Variants in TCP11L2 observed in about 807,000 individuals in gnomAD.
TCP11L2 encodes t-complex 11 like 2, also known as T-complex protein 11-like protein 2.
TCP11L2 carries 39 observed loss-of-function variants against 50.7 expected under a neutral mutation model. That is an observed-to-expected ratio of 0.77 (90% CI 0.60 to 1.01). TCP11L2 has a LOEUF of 1.01. TCP11L2 is among the 50% of genes least tolerant of loss of function. The probability of loss-of-function intolerance (pLI) is 0.00; values close to 1 mark genes in which losing one functional copy is unlikely to be tolerated. For missense variants in TCP11L2, 612 were observed against 614.7 expected (o/e 1.00, Z 0.05); for synonymous variants, 192 against 219.3 (o/e 0.88, Z 1.10).
chr12:106,306,097 A>G (rs1316685034), intron 1 of TCP11L2, among the ~76,000 whole-genome samples: 2 of 152,240 alleles, frequency 1.3e-5, no homozygotes, highest in Non-Finnish European at 2.9e-5. Context: ...TTGACTGTCT[A>G]GAAGAGTTCT....
chr12:106,313,867 G>A (rs2034960482), intron 2 of TCP11L2, among the ~76,000 whole-genome samples: 1 of 147,626 alleles, frequency 6.8e-6, no homozygotes, highest in Admixed American at 7.0e-5. Context: ...CTGGGTTCAC[G>A]CCATTCTCCT....
chr12:106,318,346 T>C lies in TCP11L2; in HGVS notation c.296T>C (p.Leu99Ser). 6.2e-7 allele frequency: 1 copy of C among 1,612,986 alleles called. No individual in the cohort carries two copies. The highest frequency in any genetic ancestry group is 8.5e-7 in the Non-Finnish European group (1 of 1,179,360). Residue 99 changes from leucine (L) to serine (S), a missense_variant and splice_region_variant, in exon 4 of 10, where the codon TTG (leucine) becomes TCG (serine). Transcript: ENST00000299045. ...LKQEALPEKS[L>S]AGRVKHIVHQ... ...AACAATTCATTTTATTGCCATAGTT[T>C]GGCTGGTCGAGTGAAGCACATTGTT...
intron 1 of TCP11L2, among the ~76,000 whole-genome samples, chr12:106,309,556 C>T (rs965589550): frequency 2.0e-5 from 3 of 151,962 alleles, no homozygotes; most frequent in Admixed American, 6.6e-5. Flanking sequence ...TCAGACTCAT[C>T]CTTGTCCCCA....
intron 1 of TCP11L2, among the ~76,000 whole-genome samples, chr12:106,309,761 G>A (rs1437002018): frequency 2.6e-5 from 4 of 151,554 alleles, no homozygotes. Context: ...CAAGAATAGG[G>A]CATTGTCTTT....
At chr12:106,317,587 A>G (rs189771447) in intron 3 of TCP11L2, among the ~76,000 whole-genome samples, 1 of 152,340 alleles carries the variant, frequency 6.6e-6, no homozygotes, top group Admixed American at 6.5e-5. Flanking sequence ...CAGTCACTAT[A>G]TATCAGGCAC....
intron 9 of TCP11L2, among the ~76,000 whole-genome samples, chr12:106,341,978 T>A (rs1259129074): frequency 6.6e-6 from 1 of 152,102 alleles, no homozygotes; most frequent in Non-Finnish European, 1.5e-5. Context: ...CTGTAACACC[T>A]GATGAGAGTA....
intron 1 of TCP11L2, among the ~76,000 whole-genome samples, chr12:106,304,845 A>AT (rs2034565135): frequency 6.6e-6 from 1 of 152,214 alleles, no homozygotes; most frequent in Non-Finnish European, 1.5e-5. Flanking sequence ...GTGCATAAAG[A>AT]ATGGCTCCCT....
At chr12:106,301,905 G>C (rs187297930), upstream of TCP11L2, 1 of 152,390 alleles carries the variant, frequency 6.6e-6, no homozygotes, top group Admixed American at 6.5e-5. Context: ...AACCCTAGAG[G>C]AAGTAAGACG....
intron 5 of TCP11L2, among the ~76,000 whole-genome samples, chr12:106,322,533 G>A (rs1038270822): frequency 6.6e-6 from 1 of 152,184 alleles, no homozygotes; most frequent in African/African-American, 2.4e-5. Context: ...AGGAAGTGGG[G>A]TGCATATTAT....
intron 6 of TCP11L2, among the ~76,000 whole-genome samples, chr12:106,329,156 C>T (rs2035659353): frequency 6.6e-6 from 1 of 152,150 alleles, no homozygotes; most frequent in South Asian, 2.1e-4. Context: ...AATACCATTG[C>T]TTGTTCTGGT....
Position 106,335,838 on chromosome 12 carries a change from T to C in TCP11L2, c.960+12T>C, listed in dbSNP as rs755186610. On this transcript the variant is annotated intron_variant, in intron 7 of 9. Transcript: ENST00000299045. ...AAGAATTACCAGAGGTGAGTGGTTT[T>C]GTTCTTCACCCAAATTTCCCAGTAT... The C allele has an allele frequency of 2.5e-6, 4 of 1,607,156 alleles. No homozygotes were observed. The Admixed American group carries it at 6.8e-5, about 27-fold the overall frequency.
chr12:106,311,310 G>A (rs903531253), intron 2 of TCP11L2, 78 bp downstream of exon 2: 21 of 1,511,732 alleles, frequency 1.4e-5, no homozygotes, highest in African/African-American at 9.6e-5. Context: ...ACTCAGAAAC[G>A]CCTGAGAGCA....
chr12:106,313,582 A>AAAATAAATAAATAAAT lies in TCP11L2; in HGVS notation c.158-754_158-739dup, dbSNP rs71072668. ...CAACAGAGTGAGACTCCATCTCAAAAAAATAAATAAATAAATAAATAAATA... is the reference window on the plus strand; with the variant it reads ...CAACAGAGTGAGACTCCATCTCAAAAAAATAAATAAATAAATAAATAAATAAATAAATAAATAAATA... On this transcript the variant is annotated intron_variant, in intron 2 of 9. Coordinates refer to ENST00000299045, the MANE Select transcript of TCP11L2 (RefSeq NM_152772.3). Among the ~76,000 whole-genome samples the AAAATAAATAAATAAAT allele has an allele frequency of 3.1e-3, 436 of 139,382 alleles. 1 individual carries two copies. The highest frequency in any genetic ancestry group is 0.011 in the Middle Eastern group (3 of 278). The allele number at this position is 139,382 out of a possible 152,430, so 91.4% of individuals were successfully genotyped here.
rs537713534 is a variant in TCP11L2, at chr12:106,325,892, G to GGA, written c.772+2246_772+2247insGA. ...GGGGGCTGAGCAAGACTCCGTCTCG[G>GGA]AAAAAAAAAAAAAAAAAAAAACCCA... On this transcript the variant is annotated intron_variant, in intron 6 of 9. Transcript: ENST00000299045. The GGA allele has an allele frequency of 1.9e-4, 17 of 90,226 alleles. No individual in the cohort carries two copies. The East Asian group carries it at 2.2e-3, about 12-fold the overall frequency. The allele number at this position is 90,226 out of a possible 1,614,324, so 5.6% of individuals were successfully genotyped here. A position where few individuals can be genotyped will look rare whatever the true frequency, so the allele number is the denominator to read the frequency against.
Position 106,336,030 on chromosome 12 carries a change from A to G in TCP11L2, c.961-2A>G, listed in dbSNP as rs1269926937. The stretch of plus-strand genomic sequence containing the variant: ...TTTTTATATTTTAAATAAATATGTT[A>G]GACACTTATGACAGATGGAGCACGT... On this transcript the variant is annotated splice_acceptor_variant, in intron 7 of 9. Coordinates refer to ENST00000299045, the MANE Select transcript of TCP11L2 (RefSeq NM_152772.3). LOFTEE classifies it high-confidence loss of function. The G allele has an allele frequency of 6.3e-7, 1 of 1,594,794 alleles. No individual in the cohort carries two copies. The highest frequency in any genetic ancestry group is 2.2e-5 in the East Asian group (1 of 44,730).
rs1181792658 is a variant in TCP11L2 at position 106,318,896 on chromosome 12, ATTTTTTTTT to A, written c.414+441_414+449del. Among the ~76,000 whole-genome samples the A allele has an allele frequency of 1.8e-3, 152 of 85,502 alleles. 1 individual carries two copies. The highest frequency in any genetic ancestry group is 5.4e-3 in the African/African-American group (147 of 27,292). 56.1% of individuals were successfully genotyped at this position (85,502 alleles called of 152,430 possible). ...TGGCTAATTTTTTGTATTTTATTTT[ATTTTTTTTT>A]TTTTTTTTATTTTTTTTGAGACGGA... is the stretch of plus-strand genomic sequence containing the variant. On this transcript the variant is annotated intron_variant, in intron 4 of 9. Coordinates refer to ENST00000299045, the MANE Select transcript of TCP11L2 (RefSeq NM_152772.3).
At chr12:106,314,874 A>G (rs901974173) in intron 3 of TCP11L2, among the ~76,000 whole-genome samples, 5 of 151,838 alleles carry the variant, frequency 3.3e-5, no homozygotes, top group African/African-American at 7.3e-5. Flanking sequence ...GCATGGTGGC[A>G]TGAGCCTGTA....
At chr12:106,318,507 G>A in intron 4 of TCP11L2, 43 bp downstream of exon 4, 1 of 1,607,538 alleles carries the variant, frequency 6.2e-7, no homozygotes, top group South Asian at 1.1e-5. Flanking sequence ...TCTTACTCCA[G>A]GTGGGCTGCT....
At chr12:106,316,291 A>G (rs887551202) in intron 3 of TCP11L2, among the ~76,000 whole-genome samples, 12 of 152,196 alleles carry the variant, frequency 7.9e-5, no homozygotes, top group African/African-American at 2.9e-4. Flanking sequence ...AATGAGCTAT[A>G]TTAGATGATT....
Sources: gnomAD v4.1 joint callset for allele counts (sites outside exome capture counted in the v4.1 genomes callset) on GRCh38, gnomAD v4.1.1 for gene constraint, MANE v1.5 for transcripts, NCBI Gene and HGNC (gene_info 2026-07-23, HGNC 2026-07-21) for gene names.